RBFOX1: variants seen among roughly 807,000 people sequenced by gnomAD.
The protein encoded by RBFOX1 is RNA binding protein fox-1 homolog 1.
RBFOX1 carries 8 observed loss-of-function variants against 57.7 expected under a neutral mutation model. The ratio of observed to expected loss-of-function variants is 0.14; its 90% CI spans 0.08 to 0.25. The LOEUF (loss-of-function observed/expected upper bound fraction) is 0.25, where lower values mean the gene tolerates loss of function less well. Ranked by LOEUF, RBFOX1 falls within the 10% of genes least tolerant of loss-of-function variation. The probability of loss-of-function intolerance (pLI) is 1.00; values close to 1 mark genes in which losing one functional copy is unlikely to be tolerated. For synonymous variants in RBFOX1, 326 were observed against 222.4 expected, an observed-to-expected ratio of 1.47 and a Z score of -4.15; for missense variants, 611 against 548.5, an observed-to-expected ratio of 1.11 and a Z score of -1.14.
At chr16:5,296,742 G>A (rs554597877) in intron 1 of RBFOX1, among the ~76,000 whole-genome samples, 160 of 150,954 alleles carry the variant, frequency 1.1e-3, no homozygotes, top group African/African-American at 3.8e-3. Flanking sequence ...GCAGTGGCGC[G>A]ATCCTGCCTC....
chr16:5,557,710 T>C (rs1442521107), intron 2 of RBFOX1, among the ~76,000 whole-genome samples: 1 of 152,150 alleles, frequency 6.6e-6, no homozygotes, highest in Non-Finnish European at 1.5e-5. Context: ...AACAGGGAAC[T>C]ACTTGGTAGA....
rs57833480 is a variant in RBFOX1, at chr16:5,364,762, C to G, written c.220-102454C>G. On this transcript the variant is annotated intron_variant, in intron 1 of 2. Coordinates refer to the RBFOX1 transcript ENST00000585867. ...AGCTGATTCTGTGGCAGACACCTCA[C>G]ACATCCCTGTGAGGCAGGTGCTGCT... Among the ~76,000 whole-genome samples, 789 of 142,994 alleles carry G rather than the reference C, an allele frequency of 5.5e-3. 9 individuals carry two copies. Among genetic ancestry groups the G allele is most frequent in the African/African-American group, 0.02 (762 of 38,462 alleles). The allele number at this position is 142,994 out of a possible 152,430, so 93.8% of individuals were successfully genotyped here.
At chr16:7,516,951 A>C (rs1168284812) in intron 4 of RBFOX1, among the ~76,000 whole-genome samples, 2 of 152,008 alleles carry the variant, frequency 1.3e-5, no homozygotes, top group African/African-American at 2.4e-5. Context: ...AGAAATTCTG[A>C]TATTTTTGCC....
intron 5 of RBFOX1, among the ~76,000 whole-genome samples, chr16:7,558,370 A>G (rs2089356071): frequency 1.4e-5 from 2 of 147,074 alleles, no homozygotes; most frequent in Admixed American, 1.3e-4. Context: ...AGACATACAT[A>G]TATATATACA....
At chr16:7,693,662 T>C (rs1323004917) in intron 14 of RBFOX1, among the ~76,000 whole-genome samples, 8 of 152,100 alleles carry the variant, frequency 5.3e-5, no homozygotes, top group Admixed American at 2.0e-4. Flanking sequence ...TAATCAGTGC[T>C]CTTATGGTAA....
intron 2 of RBFOX1, among the ~76,000 whole-genome samples, chr16:6,499,339 A>AT (rs1404310930): frequency 5.3e-5 from 8 of 151,846 alleles, no homozygotes; most frequent in South Asian, 2.1e-4. Context: ...CCTTTGGGGT[A>AT]TTTTTTTACT....
intron 3 of RBFOX1, among the ~76,000 whole-genome samples, chr16:6,931,825 A>T (rs2076608568): frequency 6.6e-6 from 1 of 152,120 alleles, no homozygotes; most frequent in Admixed American, 6.5e-5. Context: ...ATGATTTTGG[A>T]GGTCGGAAAG....
chr16:6,379,904 C>A (rs2091616086), intron 2 of RBFOX1, among the ~76,000 whole-genome samples: 1 of 151,982 alleles, frequency 6.6e-6, no homozygotes, highest in Admixed American at 6.6e-5. Flanking sequence ...ATGCGTCAGT[C>A]CTGGAAAGGG....
chr16:5,824,272 C>T (rs1275677808), intron 3 of RBFOX1, among the ~76,000 whole-genome samples: 1 of 152,198 alleles, frequency 6.6e-6, no homozygotes, highest in Non-Finnish European at 1.5e-5. Flanking sequence ...AAGAGCCCAC[C>T]ATGATGACAG....
chr16:5,816,968 C>G (rs748892772), intron 3 of RBFOX1, among the ~76,000 whole-genome samples: 4 of 151,974 alleles, frequency 2.6e-5, no homozygotes, highest in African/African-American at 4.8e-5. Flanking sequence ...TTTTTGGGAT[C>G]CAAACAAAAA....
intron 2 of RBFOX1, among the ~76,000 whole-genome samples, chr16:6,369,540 A>C (rs2090136259): frequency 6.6e-6 from 1 of 152,210 alleles, no homozygotes; most frequent in Non-Finnish European, 1.5e-5. Context: ...CTTTAGTCCT[A>C]AAGTTGTTGG....
intron 4 of RBFOX1, among the ~76,000 whole-genome samples, chr16:7,235,816 C>G (rs2093737538): frequency 6.6e-6 from 1 of 152,126 alleles, no homozygotes; most frequent in Non-Finnish European, 1.5e-5. Context: ...AAAATAATGC[C>G]TTATTCTGAC....
At chr16:6,672,631 A>C (rs576189355) in intron 3 of RBFOX1, among the ~76,000 whole-genome samples, 10 of 152,294 alleles carry the variant, frequency 6.6e-5, no homozygotes, top group Admixed American at 5.2e-4. Context: ...CTTCAGGTAC[A>C]CATGGATCCA....
At chr16:7,323,585 G>A (rs906231048) in intron 4 of RBFOX1, among the ~76,000 whole-genome samples, 2 of 152,234 alleles carry the variant, frequency 1.3e-5, no homozygotes, top group Non-Finnish European at 2.9e-5. Context: ...CTCTGTGTTT[G>A]ACTAACTCTA....
intron 4 of RBFOX1, among the ~76,000 whole-genome samples, chr16:7,097,320 G>A (rs898436502): frequency 6.6e-6 from 1 of 152,052 alleles, no homozygotes; most frequent in African/African-American, 2.4e-5. Flanking sequence ...TGAGGAGTAT[G>A]GTCAGAGAGA....
intron 4 of RBFOX1, among the ~76,000 whole-genome samples, chr16:7,408,649 C>T (rs999573374): frequency 6.6e-5 from 10 of 152,194 alleles, no homozygotes; most frequent in African/African-American, 2.4e-4. Flanking sequence ...CTATCTCCTA[C>T]AGCACGTTTC....
intron 3 of RBFOX1, among the ~76,000 whole-genome samples, chr16:6,848,851 A>C (rs1309309839): frequency 6.6e-6 from 1 of 152,188 alleles, no homozygotes; most frequent in Non-Finnish European, 1.5e-5. Flanking sequence ...TAATGACCCA[A>C]ATTCACTGAT....
In RBFOX1 at chr16:7,320,072, A is replaced by G. The variant is rs554545968; in HGVS notation, c.28-198075A>G. 2.0e-5 allele frequency among the ~76,000 whole-genome samples: 3 copies of G among 152,290 alleles called. No individual in the cohort carries two copies. The South Asian group carries it at 6.2e-4, about 32-fold the overall frequency. Reference sequence around the variant, plus strand: ...TTTTTGAAAGTTACCTTTTCTTAAAAAAATTAATTTTATTGTAAGTTGCAG... The same window carrying G: ...TTTTTGAAAGTTACCTTTTCTTAAAGAAATTAATTTTATTGTAAGTTGCAG... On this transcript the variant is annotated intron_variant, in intron 4 of 15. Transcript: ENST00000550418.
chr16:5,708,916 A>G (rs990841549), intron 3 of RBFOX1, among the ~76,000 whole-genome samples: 1 of 152,186 alleles, frequency 6.6e-6, no homozygotes, highest in Non-Finnish European at 1.5e-5. Context: ...CGAGAGTGAG[A>G]GCAAGAAGAG....
Sources: allele counts gnomAD v4.1 joint callset (sites outside exome capture counted in the v4.1 genomes callset), GRCh38; gene constraint gnomAD v4.1.1; transcripts MANE v1.5; gene names NCBI Gene and HGNC (gene_info 2026-07-23, HGNC 2026-07-21).